Variants in NCAM1 observed in about 807,000 individuals in gnomAD.
NCAM1 encodes neural cell adhesion molecule 1.
A neutral mutation model predicts 109.8 loss-of-function variants in NCAM1; 14 were observed. The observed-to-expected ratio is 0.13, with a 90% confidence interval of 0.08 to 0.20. The LOEUF (loss-of-function observed/expected upper bound fraction) is 0.20. NCAM1 is among the 10% of genes least tolerant of loss of function. NCAM1 has a pLI of 1.00. For synonymous variants in NCAM1, 418 were observed against 442.9 expected, an observed-to-expected ratio of 0.94 and a Z score of 0.70; for missense variants, 774 against 1,109.9, an observed-to-expected ratio of 0.70 and a Z score of 4.30.
At position 113,231,450 on chromosome 11, in the gene NCAM1, A is replaced by G; in HGVS notation, c.1090-195A>G. 4.5e-6 allele frequency: 4 copies of G among 894,414 alleles called. No homozygotes were observed. In the South Asian group the frequency reaches 6.7e-5, roughly 15 times the overall value. The allele number at this position is 894,414 out of a possible 1,614,324, so 55.4% of individuals were successfully genotyped here. On this transcript the variant is annotated intron_variant, in intron 9 of 19. Transcript: ENST00000316851. ...CTGTTTCGGATACTCCCAGGTTCTCATGCTGCTTCCCAGTGCCTCCCCCAT... is the reference window on the plus strand; with the variant it reads ...CTGTTTCGGATACTCCCAGGTTCTCGTGCTGCTTCCCAGTGCCTCCCCCAT...
rs541806631 is a variant in NCAM1, at chr11:113,273,666, G to A, written c.2457-1601G>A. ...TGCAGCCCTGGGCTCTCCTGCTCCC[G>A]CCGCTGGGGCCAGTGGACAAGCCCC... On this transcript the variant is annotated intron_variant, in intron 19 of 19. Transcript: ENST00000316851. The surrounding 1 kb of genome is among the most constrained non-coding windows in gnomAD (Gnocchi z 6.0). 19 of 456,108 alleles carry A rather than the reference G, an allele frequency of 4.2e-5. No individual in the cohort carries two copies. The highest frequency in any genetic ancestry group is 5.3e-5 in the Non-Finnish European group (12 of 226,550). The allele number at this position is 456,108 out of a possible 1,614,324, so 28.3% of individuals were successfully genotyped here.
intron 14 of NCAM1, chr11:113,240,621 G>A (rs1046634234): frequency 8.8e-6 from 6 of 679,182 alleles, no homozygotes; most frequent in Non-Finnish European, 1.6e-5. Flanking sequence ...CCTGCTCCTC[G>A]CTAGTGCCCT....
At chr11:113,176,416 G>C (rs1943144445) in intron 1 of NCAM1, among the ~76,000 whole-genome samples, 1 of 152,232 alleles carries the variant, frequency 6.6e-6, no homozygotes, top group Admixed American at 6.5e-5. Context: ...CCCAAGGTCA[G>C]AAGGGATGCT....
At chr11:113,222,167 G>A (rs986260628) in intron 9 of NCAM1, among the ~76,000 whole-genome samples, 3 of 152,154 alleles carry the variant, frequency 2.0e-5, no homozygotes, top group Non-Finnish European at 4.4e-5. Context: ...TAATCTCTAA[G>A]GACTTTTTTA....
chr11:113,227,034 A>G (rs1385929714), intron 9 of NCAM1, among the ~76,000 whole-genome samples: 2 of 152,350 alleles, frequency 1.3e-5, no homozygotes, highest in Non-Finnish European at 2.9e-5. Context: ...GAGAAGCAAG[A>G]GCAAACACAT....
At position 113,237,971 on chromosome 11, in the gene NCAM1, T is replaced by TAG. The variant is rs375187000; in HGVS notation, c.1825+2808_1825+2809insGA. ...ATAGATATATAGATAGATAGATAGA[T>TAG]ATAGATATATATCTCAGAAGCTATA... is the stretch of plus-strand genomic sequence containing the variant. On this transcript the variant is annotated intron_variant, in intron 14 of 19. Transcript: ENST00000316851. 8.6e-4 allele frequency among the ~76,000 whole-genome samples: 127 copies of TAG among 148,260 alleles called. 1 individual carries two copies. The highest frequency in any genetic ancestry group is 1.5e-3 in the Non-Finnish European group (101 of 67,040).
intron 2 of NCAM1, among the ~76,000 whole-genome samples, chr11:113,203,608 C>G (rs1944140605): frequency 2.0e-5 from 3 of 152,230 alleles, no homozygotes; most frequent in African/African-American, 7.2e-5. Flanking sequence ...TCAGCCACCA[C>G]AGTCTGTTCC....
intron 17 of NCAM1, chr11:113,263,216 A>C (rs1946057376): frequency 8.2e-6 from 9 of 1,091,122 alleles, no homozygotes; most frequent in Non-Finnish European, 1.0e-5. Flanking sequence ...TGCTAGATTT[A>C]CAGAGAAGTT....
chr11:113,123,769 C>T (rs1295536802), intron 1 of NCAM1, among the ~76,000 whole-genome samples: 1 of 152,340 alleles, frequency 6.6e-6, no homozygotes, highest in East Asian at 1.9e-4. Flanking sequence ...CAGCTCCGCT[C>T]CTGGTGGTAC....
chr11:113,208,010 C>T lies in NCAM1; in HGVS notation c.916+8C>T, dbSNP rs1944287642. ...TCCACCTCAAAGTCTTTGGTAGGGGCAGTGGGGGCCCAGGTCACTGCTCTG... is the reference window on the plus strand; with the variant it reads ...TCCACCTCAAAGTCTTTGGTAGGGGTAGTGGGGGCCCAGGTCACTGCTCTG... On this transcript the variant is annotated splice_region_variant and intron_variant, in intron 7 of 19. Transcript: ENST00000316851. The T allele has an allele frequency of 6.2e-7, 1 of 1,601,738 alleles. No individual in the cohort carries two copies. Among genetic ancestry groups the T allele is most frequent in the Non-Finnish European group, 8.5e-7 (1 of 1,173,930 alleles).
intron 1 of NCAM1, among the ~76,000 whole-genome samples, chr11:113,037,880 A>T (rs1952943304): frequency 6.6e-6 from 1 of 152,112 alleles, no homozygotes; most frequent in Non-Finnish European, 1.5e-5. Flanking sequence ...TCTCCTGAAA[A>T]TACAGCTCTC....
At chr11:113,049,157 G>A (rs1400063973) in intron 1 of NCAM1, among the ~76,000 whole-genome samples, 2 of 152,076 alleles carry the variant, frequency 1.3e-5, no homozygotes, top group African/African-American at 4.8e-5. Context: ...CTTGATAGAG[G>A]TGGTGATGGC....
intron 2 of NCAM1, among the ~76,000 whole-genome samples, chr11:113,202,892 G>A (rs570468161): frequency 6.6e-6 from 1 of 152,328 alleles, no homozygotes; most frequent in South Asian, 2.1e-4. Context: ...AAACTTGCCT[G>A]TAGGTAAATA....
At chr11:113,168,775 T>C (rs1942891774) in intron 1 of NCAM1, among the ~76,000 whole-genome samples, 1 of 152,192 alleles carries the variant, frequency 6.6e-6, no homozygotes, top group African/African-American at 2.4e-5. Context: ...CCACGGATGA[T>C]AGTAAAGTTG....
chr11:113,273,548 C>G lies in NCAM1; in HGVS notation c.2456+1672C>G. 2.7e-6 allele frequency: 1 copy of G among 376,072 alleles called. No homozygotes were observed. Among genetic ancestry groups the G allele is most frequent in the South Asian group, 1.9e-5 (1 of 52,928 alleles). The allele number at this position is 376,072 out of a possible 1,614,324, so 23.3% of individuals were successfully genotyped here. ...CTAGCCCGAAGAGCGAGGCTGCCTCCGTCAGCACCACAAACCCTTCCCAGG... is the reference window on the plus strand; with the variant it reads ...CTAGCCCGAAGAGCGAGGCTGCCTCGGTCAGCACCACAAACCCTTCCCAGG... On this transcript the variant is annotated intron_variant, in intron 19 of 19. Coordinates refer to ENST00000316851, the MANE Select transcript of NCAM1 (RefSeq NM_181351.5). The surrounding 1 kb of genome is among the most constrained non-coding windows in gnomAD (Gnocchi z 6.0).
At chr11:113,218,589 A>G (rs1388758741) in intron 8 of NCAM1, among the ~76,000 whole-genome samples, 1 of 152,192 alleles carries the variant, frequency 6.6e-6, no homozygotes, top group Non-Finnish European at 1.5e-5. Context: ...ATAAGCAAAA[A>G]CAAGTACAAT....
Position 113,207,355 on chromosome 11 carries a change from A to G in NCAM1, c.723A>G (p.Pro241=). Residue 241 remains proline (P), a synonymous_variant, in exon 6 of 20, where the codon CCA becomes CCG. Transcript: ENST00000316851. Reference sequence around the variant, plus strand: ...TGGTGTGCGATGCCGAAGGCTTCCCAGAGCCCACCATGAGCTGGACAAAGT... The same window carrying G: ...TGGTGTGCGATGCCGAAGGCTTCCCGGAGCCCACCATGAGCTGGACAAAGT... ...VTLVCDAEGF[P]EPTMSWTKDG... 1 of 1,613,978 alleles carries G rather than the reference A, an allele frequency of 6.2e-7. No individual in the cohort carries two copies. Among genetic ancestry groups the G allele is most frequent in the South Asian group, 1.1e-5 (1 of 91,084 alleles).
chr11:113,026,061 CT>C (rs1465646614), intron 1 of NCAM1, among the ~76,000 whole-genome samples: 4 of 152,042 alleles, frequency 2.6e-5, no homozygotes, highest in African/African-American at 4.8e-5. Context: ...GTGCAGAGCC[CT>C]GAATTATGAG....
At chr11:113,234,955 A>G in intron 13 of NCAM1, 78 bp from the exon 14 acceptor site, 1 of 1,455,132 alleles carries the variant, frequency 6.9e-7, no homozygotes, top group Non-Finnish European at 9.1e-7. Context: ...TTTTTTCAGG[A>G]CCCTCCCTAC....
Sources: gnomAD v4.1 joint callset for allele counts (sites outside exome capture counted in the v4.1 genomes callset) on GRCh38, gnomAD v4.1.1 for gene constraint, Gnocchi (gnomAD v3.1) non-coding constraint, MANE v1.5 for transcripts, NCBI Gene and HGNC (gene_info 2026-07-23, HGNC 2026-07-21) for gene names.